Variants in ARMC7 observed in about 807,000 individuals in gnomAD.
The protein encoded by ARMC7 is armadillo repeat-containing protein 7.
Under a neutral mutation model 14.8 loss-of-function variants are expected in ARMC7, and 9 were observed. That is an observed-to-expected ratio of 0.61 (90% CI 0.37 to 1.06). The LOEUF (loss-of-function observed/expected upper bound fraction) is 1.06. Among genes scored for constraint, ARMC7 ranks in the 50% least tolerant of loss-of-function variants. The pLI is 0.01. For synonymous variants in ARMC7, 125 were observed against 123.4 expected (o/e 1.01, Z -0.09); for missense variants, 262 against 267.1 (o/e 0.98, Z 0.13).
At chr17:75,123,575 G>C (rs184325814) in intron 2 of ARMC7, among the ~76,000 whole-genome samples, 2 of 152,004 alleles carry the variant, frequency 1.3e-5, no homozygotes, top group African/African-American at 4.8e-5. Context: ...GGACGGTCTT[G>C]ATCTCCTAAT....
chr17:75,119,966 A>G (rs1449020618), intron 2 of ARMC7, among the ~76,000 whole-genome samples: 4 of 151,458 alleles, frequency 2.6e-5, no homozygotes, highest in Non-Finnish European at 5.9e-5. Flanking sequence ...GTGCAGTGGC[A>G]TGATCTGGGC....
At chr17:75,113,309 C>T (rs181759622) in intron 2 of ARMC7, among the ~76,000 whole-genome samples, 1 of 150,272 alleles carries the variant, frequency 6.7e-6, no homozygotes, top group African/African-American at 2.5e-5. Context: ...CAGTCGTGAG[C>T]CACCACACCT....
chr17:75,124,849 C>CA (rs924115358), intron 2 of ARMC7, among the ~76,000 whole-genome samples: 6 of 152,322 alleles, frequency 3.9e-5, no homozygotes, highest in African/African-American at 1.4e-4. Flanking sequence ...AGGGTTCAGT[C>CA]ATGTGTCCAG....
chr17:75,124,562 G>A (rs557428897), intron 2 of ARMC7, among the ~76,000 whole-genome samples: 44 of 152,318 alleles, frequency 2.9e-4, no homozygotes, highest in African/African-American at 8.4e-4. Context: ...CCGTCAGCTC[G>A]GGAGACATGC....
chr17:75,111,246 A>G (rs1206409766), intron 2 of ARMC7, among the ~76,000 whole-genome samples: 1 of 151,800 alleles, frequency 6.6e-6, no homozygotes, highest in African/African-American at 2.4e-5. Context: ...GGAGTTCAAG[A>G]TCAGCCTGGC....
chr17:75,117,273 C>T (rs539599983), intron 2 of ARMC7, among the ~76,000 whole-genome samples: 6 of 152,250 alleles, frequency 3.9e-5, no homozygotes, highest in South Asian at 2.1e-4. Context: ...GACGGGGTTT[C>T]GACATGTTGG....
chr17:75,112,039 G>T (rs369687671), intron 2 of ARMC7, among the ~76,000 whole-genome samples: 17 of 151,558 alleles, frequency 1.1e-4, no homozygotes, highest in East Asian at 9.6e-4. Context: ...ATGAGAGACA[G>T]CAGTGGAAGG....
At chr17:75,110,687 G>A in intron 2 of ARMC7, 81 bp downstream of exon 2, 1 of 1,555,146 alleles carries the variant, frequency 6.4e-7, no homozygotes, top group Non-Finnish European at 8.7e-7. Flanking sequence ...TTGGGGCCGG[G>A]CGTGGTGGCT....
rs1001886544 is a variant in ARMC7 at position 75,129,900 on chromosome 17, G to A, written c.*862G>A. 2 of 152,912 alleles carry A rather than the reference G, an allele frequency of 1.3e-5. No homozygotes were observed. Among genetic ancestry groups the A allele is most frequent in the Non-Finnish European group, 2.9e-5 (2 of 68,634 alleles). The allele number at this position is 152,912 out of a possible 1,614,324, so 9.5% of individuals were successfully genotyped here. A position where few individuals can be genotyped will look rare whatever the true frequency, so the allele number is the denominator to read the frequency against. The stretch of plus-strand genomic sequence containing the variant: ...CCCACGAGGGCATCAGGGACGCAGT[G>A]AGTGTTGCTCAAGGGAGTCAGGAAG... On this transcript the variant is annotated 3_prime_UTR_variant, in exon 3 of 3. Coordinates refer to ENST00000245543, the MANE Select transcript of ARMC7 (RefSeq NM_024585.4).
intron 2 of ARMC7, among the ~76,000 whole-genome samples, chr17:75,122,099 C>G (rs915398963): frequency 6.6e-6 from 1 of 151,748 alleles, no homozygotes; most frequent in Non-Finnish European, 1.5e-5. Context: ...TTTGGGAGGG[C>G]GAGGCAGGTG....
rs2074093281 is a variant in ARMC7, at chr17:75,130,135, G to A, written c.*1097G>A. 1 of 224,936 alleles carries A rather than the reference G, an allele frequency of 4.4e-6. No individual in the cohort carries two copies. The highest frequency in any genetic ancestry group is 8.9e-6 in the Non-Finnish European group (1 of 111,902). 13.9% of individuals were successfully genotyped at this position (224,936 alleles called of 1,614,324 possible). A position where few individuals can be genotyped will look rare whatever the true frequency, so the allele number is the denominator to read the frequency against. The stretch of plus-strand genomic sequence containing the variant: ...GGGCATGGAAATGGGGCAGATTAGG[G>A]GACCACTGGACTCAGAGGGGAGGGA... On this transcript the variant is annotated 3_prime_UTR_variant, in exon 3 of 3. Transcript: ENST00000245543.
Position 75,128,736 on chromosome 17 carries a change from G to C in ARMC7, c.295G>C (p.Gly99Arg). The stretch of plus-strand genomic sequence containing the variant: ...CAAGGAGCACATCCTGCACGCAGGA[G>C]GTGTCCCACTCATCATCAACTGCCT... The part of the protein sequence containing the change: ...ANKEHILHAG[G>R]VPLIINCLSS... Residue 99 changes from glycine (G) to arginine (R), a missense_variant, in exon 3 of 3, where the codon GGT becomes CGT. Coordinates refer to ENST00000245543, the MANE Select transcript of ARMC7 (RefSeq NM_024585.4). The C allele has an allele frequency of 1.2e-6, 2 of 1,613,578 alleles. No homozygotes were observed. Among genetic ancestry groups the C allele is most frequent in the South Asian group, 2.2e-5 (2 of 91,084 alleles).
In ARMC7 at chr17:75,129,114, G is replaced by A. The variant is rs895398156; in HGVS notation, c.*76G>A. On this transcript the variant is annotated 3_prime_UTR_variant, in exon 3 of 3. Transcript: ENST00000245543. ...CTGATGTGGACGCAGGGAACGGGGAGCACATACTGCCCCATTGGTGCCTTT... is the reference window on the plus strand; with the variant it reads ...CTGATGTGGACGCAGGGAACGGGGAACACATACTGCCCCATTGGTGCCTTT... 1.7e-5 allele frequency: 25 copies of A among 1,502,134 alleles called. No individual in the cohort carries two copies. The highest frequency in any genetic ancestry group is 2.2e-5 in the Non-Finnish European group (25 of 1,129,248). 93.1% of individuals were successfully genotyped at this position (1,502,134 alleles called of 1,614,324 possible). A position where few individuals can be genotyped will look rare whatever the true frequency, so the allele number is the denominator to read the frequency against.
intron 2 of ARMC7, among the ~76,000 whole-genome samples, chr17:75,119,626 ATTTT>A (rs71159437): frequency 1.4e-5 from 2 of 142,320 alleles, no homozygotes; most frequent in Admixed American, 7.0e-5. Flanking sequence ...TTTTTTTTGT[ATTTT>A]TTTTTTTTTT....
chr17:75,110,521 C>G lies in ARMC7; in HGVS notation c.150C>G (p.Tyr50Ter), dbSNP rs1369748261. ...ACTTCGCTTATGACCCCAGCAACTACGAGTATCTGCGGCAGCTGCAGGTCC... is the reference window on the plus strand; with the variant it reads ...ACTTCGCTTATGACCCCAGCAACTAGGAGTATCTGCGGCAGCTGCAGGTCC... ...LANFAYDPSN[Y>*]EYLRQLQVLD... The change falls in exon 2 of 3, where the codon TAC becomes TAG. Residue 50 changes from tyrosine to a stop codon, truncating the protein, a stop_gained. Coordinates refer to ENST00000245543, the MANE Select transcript of ARMC7 (RefSeq NM_024585.4). LOFTEE classifies it high-confidence loss of function. 6.2e-7 allele frequency: 1 copy of G among 1,614,254 alleles called. No individual in the cohort carries two copies. Among genetic ancestry groups the G allele is most frequent in the Non-Finnish European group, 8.5e-7 (1 of 1,180,048 alleles).
At chr17:75,124,052 T>C (rs2074033281) in intron 2 of ARMC7, among the ~76,000 whole-genome samples, 2 of 152,336 alleles carry the variant, frequency 1.3e-5, no homozygotes, top group South Asian at 4.1e-4. Flanking sequence ...CAGGGCAGGT[T>C]CACACAGGTA....
chr17:75,118,544 G>C (rs1244010631), intron 2 of ARMC7, among the ~76,000 whole-genome samples: 1 of 152,230 alleles, frequency 6.6e-6, no homozygotes, highest in East Asian at 1.9e-4. Context: ...CCATGAGGAA[G>C]GATCCGGCTA....
chr17:75,113,503 C>T (rs572612408), intron 2 of ARMC7, among the ~76,000 whole-genome samples: 20 of 151,578 alleles, frequency 1.3e-4, no homozygotes, highest in Non-Finnish European at 2.4e-4. Flanking sequence ...TACAGGCGCC[C>T]CCCCACCAGG....
At chr17:75,110,842 C>T (rs2073914892) in intron 2 of ARMC7, among the ~76,000 whole-genome samples, 1 of 151,364 alleles carries the variant, frequency 6.6e-6, no homozygotes, top group Non-Finnish European at 1.5e-5. Flanking sequence ...GTAATCCCAG[C>T]TACTAGTGAG....
Sources: allele counts gnomAD v4.1 joint callset (sites outside exome capture counted in the v4.1 genomes callset), GRCh38; gene constraint gnomAD v4.1.1; transcripts MANE v1.5; gene names NCBI Gene and HGNC (gene_info 2026-07-23, HGNC 2026-07-21).